TRIO: variants seen among roughly 807,000 people sequenced by gnomAD.
TRIO encodes the protein triple functional domain protein.
A neutral mutation model predicts 351.9 loss-of-function variants in TRIO; 58 were observed. That is an observed-to-expected ratio of 0.16 (90% confidence interval 0.13 to 0.21). The LOEUF (loss-of-function observed/expected upper bound fraction) is 0.21. Among genes scored for constraint, TRIO ranks in the 10% least tolerant of loss-of-function variants. The pLI is 1.00. For missense variants in TRIO, 3,201 were observed against 4,027.8 expected (o/e 0.79, Z 5.56); for synonymous variants, 1,758 against 1,595.7 (o/e 1.10, Z -2.42).
At chr5:14,350,661 C>T (rs1742999413) in intron 11 of TRIO, among the ~76,000 whole-genome samples, 1 of 152,120 alleles carries the variant, frequency 6.6e-6, no homozygotes, top group Admixed American at 6.5e-5. Context: ...CCTGAATATG[C>T]CCCTGTGTTT....
Position 14,508,008 on chromosome 5 carries a change from C to T in TRIO, c.8880C>T (p.Ala2960=), listed in dbSNP as rs200566283. 17 of 1,614,198 alleles carry T rather than the reference C, an allele frequency of 1.1e-5. No homozygotes were observed. The highest frequency in any genetic ancestry group is 1.1e-5 in the South Asian group (1 of 91,082). ...HQLLGNPEFA[A]PEIILGNPVS... ...TACTGGGGAACCCTGAATTCGCAGC[C>T]CCTGAAATCATCCTCGGGAACCCTG... The change falls in exon 57 of 57, where the codon GCC becomes GCT. Residue 2960 remains alanine, a synonymous_variant. Transcript: ENST00000344204.
intron 49 of TRIO, among the ~76,000 whole-genome samples, chr5:14,493,434 T>C (rs1301975431): frequency 6.6e-6 from 1 of 152,258 alleles, no homozygotes; most frequent in Non-Finnish European, 1.5e-5. Flanking sequence ...TCATGCATTT[T>C]GTTATTGTAT....
rs1002985287 is a variant in TRIO at position 14,174,604 on chromosome 5, C to T, written c.157+30722C>T. ...GTCGTATACAACACACACAAGGCTGCGGGCCTGAACCCTTGCCCCAAGAAG... is the reference window on the plus strand; with the variant it reads ...GTCGTATACAACACACACAAGGCTGTGGGCCTGAACCCTTGCCCCAAGAAG... On this transcript the variant is annotated intron_variant, in intron 1 of 56. Coordinates refer to ENST00000344204, the MANE Select transcript of TRIO (RefSeq NM_007118.4). 9.9e-5 allele frequency among the ~76,000 whole-genome samples: 15 copies of T among 152,170 alleles called. No individual in the cohort carries two copies. The East Asian group carries it at 1.9e-3, about 20-fold the overall frequency.
chr5:14,474,096 G>A lies in TRIO; in HGVS notation c.6082G>A (p.Asp2028Asn), dbSNP rs766795150. 3 of 1,612,416 alleles carry A rather than the reference G, an allele frequency of 1.9e-6. No homozygotes were observed. In the South Asian group the frequency reaches 3.3e-5, roughly 18 times the overall value. ...CCATCAGATTTACGACTGGCACAGA[G>A]AGTACGTAAACATGCATTGTGCCCG... ...NIHQIYDWHR[D>N]FFLGELEKCL... Residue 2028 changes from aspartate to asparagine, a missense_variant and splice_region_variant, in exon 40 of 57, where the codon GAC (aspartate) becomes AAC (asparagine). By Grantham distance (23) the Asp-to-Asn change is conservative. This residue lies in a region of TRIO where 307 missense variants were observed against 396.5 expected (regional missense o/e 0.77). Transcript: ENST00000344204.
rs563262507 is a variant in TRIO, at chr5:14,293,303, T to G, written c.1176+169T>G. Among the ~76,000 whole-genome samples, 5 of 152,224 alleles carry G rather than the reference T, an allele frequency of 3.3e-5. No individual in the cohort carries two copies. In the East Asian group the frequency reaches 9.7e-4, roughly 29 times the overall value. ...TCCCTAGGGTTCCATTGTCTCACTA[T>G]CCCACATTTTAAGTTTTAAACAAAA... is the stretch of plus-strand genomic sequence containing the variant. On this transcript the variant is annotated intron_variant, in intron 6 of 56. Transcript: ENST00000344204.
intron 1 of TRIO, among the ~76,000 whole-genome samples, chr5:14,157,532 C>T (rs113493528): frequency 0.07 from 7,279 of 103,668 alleles, 6 homozygotes; most frequent in East Asian, 0.092. Context: ...TCCCTGTCTC[C>T]CTCTCTCTCC....
intron 1 of TRIO, among the ~76,000 whole-genome samples, chr5:14,147,356 A>G (rs1787577568): frequency 6.6e-6 from 1 of 152,118 alleles, no homozygotes; most frequent in African/African-American, 2.4e-5. Context: ...TCTCAACCCC[A>G]CTGGGACCAA....
intron 9 of TRIO, among the ~76,000 whole-genome samples, chr5:14,319,808 G>T (rs1335064823): frequency 6.6e-6 from 1 of 152,218 alleles, no homozygotes; most frequent in African/African-American, 2.4e-5. Flanking sequence ...ACTGAATGGG[G>T]AAGGATGACA....
chr5:14,318,836 T>TA (rs1338153198), intron 9 of TRIO, among the ~76,000 whole-genome samples: 16 of 152,232 alleles, frequency 1.1e-4, no homozygotes, highest in Non-Finnish European at 1.0e-4. Context: ...AGGTTGAGCA[T>TA]AATTCCACAT....
chr5:14,364,542 C>T, intron 14 of TRIO, 108 bp from the exon 15 acceptor site: 1 of 1,392,280 alleles, frequency 7.2e-7, no homozygotes, highest in Non-Finnish European at 9.8e-7. Context: ...TGGCTTGGCC[C>T]CCAGCTGGGC....
intron 9 of TRIO, among the ~76,000 whole-genome samples, chr5:14,322,502 A>G (rs903620445): frequency 3.9e-5 from 6 of 152,240 alleles, no homozygotes; most frequent in African/African-American, 1.4e-4. Context: ...CTAAGAGGCA[A>G]AGCAACACAT....
chr5:14,389,445 C>A, intron 25 of TRIO, 47 bp downstream of exon 25: 3 of 1,369,736 alleles, frequency 2.2e-6, no homozygotes, highest in Non-Finnish European at 3.1e-6. Context: ...AATCCATGTG[C>A]TGAAGTTTCA....
intron 49 of TRIO, among the ~76,000 whole-genome samples, chr5:14,496,467 TC>T (rs1756902054): frequency 6.6e-6 from 1 of 152,196 alleles, no homozygotes; most frequent in Non-Finnish European, 1.5e-5. Flanking sequence ...CTTTTTGTGT[TC>T]CCTTAAGGCC....
At chr5:14,157,442 CCTCTCTCTCCCTGTCTCCCTCT>C (rs1788167922) in intron 1 of TRIO, among the ~76,000 whole-genome samples, 2 of 138,806 alleles carry the variant, frequency 1.4e-5, no homozygotes, top group African/African-American at 5.4e-5. Context: ...TCCCTGTCTC[CCTCTCTCTCCCTGTCTCCCTCT>C]CTCTCCCTGT....
chr5:14,295,825 C>T (rs1034045539), intron 6 of TRIO, among the ~76,000 whole-genome samples: 15 of 152,158 alleles, frequency 9.9e-5, no homozygotes, highest in Non-Finnish European at 1.8e-4. Context: ...CCTCTTTCTG[C>T]GACTCCAGAC....
rs907182854 is a variant in TRIO at position 14,508,595 on chromosome 5, G to T, written c.*173G>T. On this transcript the variant is annotated 3_prime_UTR_variant, in exon 57 of 57. Coordinates refer to ENST00000344204, the MANE Select transcript of TRIO (RefSeq NM_007118.4). ...GCTTGGACACAGAGCTGCAAGCTGCGCTGGGGTGGAGGACCGTCACTTACA... is the reference window on the plus strand; with the variant it reads ...GCTTGGACACAGAGCTGCAAGCTGCTCTGGGGTGGAGGACCGTCACTTACA... 6.2e-6 allele frequency: 5 copies of T among 806,252 alleles called. No individual in the cohort carries two copies. In the South Asian group the frequency reaches 7.7e-5, roughly 12 times the overall value. 49.9% of individuals were successfully genotyped at this position (806,252 alleles called of 1,614,324 possible).
At chr5:14,169,144 G>C (rs1788950545) in intron 1 of TRIO, among the ~76,000 whole-genome samples, 1 of 149,926 alleles carries the variant, frequency 6.7e-6, no homozygotes, top group Admixed American at 6.6e-5. Flanking sequence ...AGACATCCTG[G>C]TCTACTTATG....
intron 1 of TRIO, among the ~76,000 whole-genome samples, chr5:14,216,047 A>T (rs1306573895): frequency 6.6e-6 from 1 of 152,136 alleles, no homozygotes; most frequent in Non-Finnish European, 1.5e-5. Flanking sequence ...CATGGTATCT[A>T]CTTCTTAGCG....
chr5:14,442,253 A>G (rs560194984), intron 34 of TRIO, among the ~76,000 whole-genome samples: 2 of 152,280 alleles, frequency 1.3e-5, no homozygotes, highest in East Asian at 1.9e-4. Context: ...ATCCGCGTAT[A>G]TGCTTCGGAA....
Sources: allele counts gnomAD v4.1 joint callset (sites outside exome capture counted in the v4.1 genomes callset), GRCh38; gene constraint gnomAD v4.1.1; regional missense constraint gnomAD v4.1.1; transcripts MANE v1.5; gene names NCBI Gene and HGNC (gene_info 2026-07-23, HGNC 2026-07-21).